Variants in NRIP3 observed in about 807,000 individuals in gnomAD.
NRIP3 encodes the protein nuclear receptor-interacting protein 3.
NRIP3 carries 31 observed loss-of-function variants against 29.0 expected under a neutral mutation model. The ratio of observed to expected loss-of-function variants is 1.07; its 90% CI spans 0.80 to 1.44. The LOEUF (loss-of-function observed/expected upper bound fraction) is 1.44. NRIP3 is among the 40% of genes most tolerant of loss of function. The pLI is 0.00. For missense variants in NRIP3, 314 were observed against 297.9 expected (o/e 1.05, Z -0.40); for synonymous variants, 131 against 118.3 (o/e 1.11, Z -0.70).
chr11:8,988,386 G>A (rs949837385), intron 1 of NRIP3, 104 bp from the exon 2 acceptor site: 1 of 901,188 alleles, frequency 1.1e-6, no homozygotes, highest in Middle Eastern at 3.5e-4. Flanking sequence ...CCATAACTGA[G>A]CTCTATCTTT....
chr11:9,000,694 C>G (rs968809159), intron 1 of NRIP3, among the ~76,000 whole-genome samples: 1 of 152,048 alleles, frequency 6.6e-6, no homozygotes, highest in South Asian at 2.1e-4. Flanking sequence ...CTTTTATGAA[C>G]CTGGTAGCTA....
chr11:9,003,899 T>C lies in NRIP3; in HGVS notation c.37A>G (p.Lys13Glu). 1 of 1,522,438 alleles carries C rather than the reference T, an allele frequency of 6.6e-7. No homozygotes were observed. Among genetic ancestry groups the C allele is most frequent in the Non-Finnish European group, 8.8e-7 (1 of 1,136,302 alleles). 94.3% of individuals were successfully genotyped at this position (1,522,438 alleles called of 1,614,324 possible). ...YSGLLTEGGR[K>E]ETDMREAASL... ...GCCGCCTCCCGCATGTCGGTCTCCT[T>C]GCGGCCGCCCTCAGTGAGGAGCCCT... Residue 13 changes from lysine to glutamate, a missense_variant, in exon 1 of 7, where the codon AAG (lysine) becomes GAG (glutamate). Coordinates refer to ENST00000309166, the MANE Select transcript of NRIP3 (RefSeq NM_020645.3).
chr11:8,987,636 G>A lies in NRIP3; in HGVS notation c.340-6C>T, dbSNP rs764237141. ...TTCACATCCTTTCCAGCACACTGTG[G>A]GGAGGAAATGTACTGTTCAATAAGA... is the stretch of plus-strand genomic sequence containing the variant. On this transcript the variant is annotated splice_region_variant and splice_polypyrimidine_tract_variant and intron_variant, in intron 2 of 6. Transcript: ENST00000309166. 2 of 1,609,604 alleles carry A rather than the reference G, an allele frequency of 1.2e-6. No homozygotes were observed. The highest frequency in any genetic ancestry group is 1.3e-5 in the African/African-American group (1 of 74,920).
intron 2 of NRIP3, 98 bp downstream of exon 2, chr11:8,988,020 A>G: frequency 8.5e-7 from 1 of 1,182,538 alleles, no homozygotes; most frequent in Non-Finnish European, 1.2e-6. Context: ...AAACTCACTT[A>G]TGAATTCCAT....
intron 1 of NRIP3, among the ~76,000 whole-genome samples, chr11:8,997,912 AG>A: frequency 6.6e-6 from 1 of 152,330 alleles, no homozygotes; most frequent in East Asian, 1.9e-4. Context: ...AGGAAATGGT[AG>A]GGGTCTGCTT....
rs1160529787 is a variant in NRIP3, at chr11:8,982,789, C to T, written c.*756G>A. 8.8e-6 allele frequency: 3 copies of T among 341,682 alleles called. No homozygotes were observed. Among genetic ancestry groups the T allele is most frequent in the Non-Finnish European group, 1.7e-5 (3 of 175,510 alleles). 21.2% of individuals were successfully genotyped at this position (341,682 alleles called of 1,614,324 possible). A position where few individuals can be genotyped will look rare whatever the true frequency, so the allele number is the denominator to read the frequency against. ...AGGAGGGAGAGCTACCCAAATCATC[C>T]TAGCATCCATCTCCAGAGAATATTC... is the stretch of plus-strand genomic sequence containing the variant. On this transcript the variant is annotated 3_prime_UTR_variant, in exon 7 of 7. Transcript: ENST00000309166.
In NRIP3 at chr11:8,988,257, C is replaced by T. The variant is rs751520341; in HGVS notation, c.200G>A (p.Arg67His). The T allele has an allele frequency of 1.2e-5, 20 of 1,613,938 alleles. No homozygotes were observed. The highest frequency in any genetic ancestry group is 1.0e-4 in the Admixed American group (6 of 59,976). Residue 67 changes from arginine (R) to histidine (H), a missense_variant, in exon 2 of 7, where the codon CGC (arginine) becomes CAC (histidine). Physicochemically the swap from Arg to His is conservative, Grantham distance 29. Coordinates refer to ENST00000309166, the MANE Select transcript of NRIP3 (RefSeq NM_020645.3). The part of the protein sequence containing the change: ...DMQPHNILQR[R>H]LMETNLSKLR... ...CTTAGACAGGTTGGTTTCCATGAGG[C>T]GCCTCTGCAGAATATTATGAGGTTG...
In NRIP3 at chr11:8,988,233, T is replaced by C; in HGVS notation, c.224A>G (p.Lys75Arg). The C allele has an allele frequency of 6.2e-7, 1 of 1,614,132 alleles. No homozygotes were observed. The highest frequency in any genetic ancestry group is 8.5e-7 in the Non-Finnish European group (1 of 1,180,012). Residue 75 changes from lysine to arginine, a missense_variant, in exon 2 of 7, where the codon AAG becomes AGG. By Grantham distance (26) the Lys-to-Arg change is conservative. Transcript: ENST00000309166. ...AGGGACACGGGGACCGCTTCGGAGC[T>C]TAGACAGGTTGGTTTCCATGAGGCG... ...QRRLMETNLS[K>R]LRSGPRVPWA...
chr11:8,983,734 G>A, intron 6 of NRIP3, 141 bp downstream of exon 6: 1 of 881,988 alleles, frequency 1.1e-6, no homozygotes, highest in Non-Finnish European at 1.9e-6. Flanking sequence ...TGAACTCTGG[G>A]TGTGGGGAAG....
At position 8,983,489 on chromosome 11, in the gene NRIP3, T is replaced by A. The variant is rs2568046; in HGVS notation, c.*56A>T. 1,562,201 of 1,581,544 alleles carry A rather than the reference T, an allele frequency of 0.99. 773,241 individuals are homozygous for A. Among genetic ancestry groups the A allele is most frequent in the East Asian group, 1 (44,703 of 44,704 alleles). The stretch of plus-strand genomic sequence containing the variant: ...CATTTGGTTCAAACCCAGTTTTCTC[T>A]ATCTGTCAACCCGGTGTGTATGCAT... On this transcript the variant is annotated 3_prime_UTR_variant, in exon 7 of 7. Coordinates refer to ENST00000309166, the MANE Select transcript of NRIP3 (RefSeq NM_020645.3).
At chr11:8,984,197 A>G in intron 4 of NRIP3, 73 bp from the exon 5 acceptor site, 1 of 909,872 alleles carries the variant, frequency 1.1e-6, no homozygotes, top group Non-Finnish European at 1.8e-6. Context: ...AATCACTATT[A>G]GGTTCCATCC....
chr11:8,985,363 G>A (rs1443884843), intron 4 of NRIP3, among the ~76,000 whole-genome samples: 1 of 149,400 alleles, frequency 6.7e-6, no homozygotes, highest in Non-Finnish European at 1.5e-5. Context: ...TAGAGATGGG[G>A]TTTCACCGTG....
At chr11:8,983,729 T>C in intron 6 of NRIP3, 146 bp downstream of exon 6, 1 of 879,598 alleles carries the variant, frequency 1.1e-6, no homozygotes, top group Admixed American at 2.0e-5. Flanking sequence ...GGTGATGAAC[T>C]CTGGGTGTGG....
At chr11:8,999,431 A>G (rs1443721288) in intron 1 of NRIP3, among the ~76,000 whole-genome samples, 1 of 152,144 alleles carries the variant, frequency 6.6e-6, no homozygotes, top group Non-Finnish European at 1.5e-5. Context: ...AGTGTAACCC[A>G]CATAGTAGCC....
rs1854545102 is a variant in NRIP3, at chr11:8,988,106, T to G, written c.339+12A>C. 1.9e-6 allele frequency: 3 copies of G among 1,613,588 alleles called. No homozygotes were observed. Among genetic ancestry groups the G allele is most frequent in the Non-Finnish European group, 2.5e-6 (3 of 1,179,746 alleles). On this transcript the variant is annotated intron_variant, in intron 2 of 6. Coordinates refer to ENST00000309166, the MANE Select transcript of NRIP3 (RefSeq NM_020645.3). ...CCAGAAAACCCTGGAAAAGCTGTTC[T>G]CAGAACATTACCTGGCAAGAAACCA...
intron 1 of NRIP3, among the ~76,000 whole-genome samples, chr11:8,998,163 C>T (rs1342102257): frequency 6.6e-6 from 1 of 152,172 alleles, no homozygotes; most frequent in Non-Finnish European, 1.5e-5. Flanking sequence ...TCCAAAAGGT[C>T]ACCAATATTT....
rs1272089707 is a variant in NRIP3, at chr11:8,987,641, G to A, written c.340-11C>T. The A allele has an allele frequency of 6.2e-7, 1 of 1,604,626 alleles. No individual in the cohort carries two copies. Among genetic ancestry groups the A allele is most frequent in the Non-Finnish European group, 8.5e-7 (1 of 1,171,454 alleles). On this transcript the variant is annotated splice_polypyrimidine_tract_variant and intron_variant, in intron 2 of 6. Coordinates refer to ENST00000309166, the MANE Select transcript of NRIP3 (RefSeq NM_020645.3). ...ATCCTTTCCAGCACACTGTGGGGAG[G>A]AAATGTACTGTTCAATAAGAGCCAG...
chr11:8,989,431 C>G (rs1190214755), intron 1 of NRIP3, among the ~76,000 whole-genome samples: 1 of 152,194 alleles, frequency 6.6e-6, no homozygotes, highest in East Asian at 1.9e-4. Flanking sequence ...GGAAGTCACT[C>G]TTAGAAGCCC....
chr11:8,983,933 C>G lies in NRIP3; in HGVS notation c.652G>C (p.Gly218Arg). The G allele has an allele frequency of 6.2e-7, 1 of 1,614,174 alleles. No homozygotes were observed. The highest frequency in any genetic ancestry group is 8.5e-7 in the Non-Finnish European group (1 of 1,180,042). ...GGGATTTCTTCCTTGTCTGTCTTCC[C>G]CATGATCAGCCGGTGCTTATCCAAG... is the stretch of plus-strand genomic sequence containing the variant. Reference protein sequence around the residue: ...INLDKHRLIMGKTDKEEIPFV... With the variant: ...INLDKHRLIMRKTDKEEIPFV... The change falls in exon 6 of 7, where the codon GGG (glycine) becomes CGG (arginine). Residue 218 changes from glycine (G) to arginine (R), a missense_variant. Transcript: ENST00000309166.
Sources: gnomAD v4.1 joint callset for allele counts (sites outside exome capture counted in the v4.1 genomes callset) on GRCh38, gnomAD v4.1.1 for gene constraint, MANE v1.5 for transcripts, NCBI Gene and HGNC (gene_info 2026-07-23, HGNC 2026-07-21) for gene names.